Variants in ATRNL1 observed in about 807,000 individuals in gnomAD.
The protein encoded by ATRNL1 is attractin-like protein 1.
A neutral mutation model predicts 182.7 loss-of-function variants in ATRNL1; 95 were observed. The ratio of observed to expected loss-of-function variants is 0.52; its 90% CI spans 0.44 to 0.62. The LOEUF (loss-of-function observed/expected upper bound fraction) is 0.62, where lower values mean the gene tolerates loss of function less well. Among genes scored for constraint, ATRNL1 ranks in the 20% least tolerant of loss-of-function variants. The pLI, the probability that ATRNL1 is intolerant of heterozygous loss-of-function variation, is 0.00. For synonymous variants in ATRNL1, 576 were observed against 568.3 expected (o/e 1.01, Z -0.19); for missense variants, 1,471 against 1,679.5 (o/e 0.88, Z 2.17).
intron 28 of ATRNL1, among the ~76,000 whole-genome samples, chr10:115,884,673 T>G (rs1555109367): frequency 6.6e-6 from 1 of 152,176 alleles, no homozygotes; most frequent in Non-Finnish European, 1.5e-5. Context: ...GCAAAAAAAC[T>G]GCCGAAGAGA....
intron 20 of ATRNL1, among the ~76,000 whole-genome samples, chr10:115,411,741 T>G (rs1445181961): frequency 6.6e-6 from 1 of 152,192 alleles, no homozygotes; most frequent in Non-Finnish European, 1.5e-5. Flanking sequence ...TATTTAAATG[T>G]TTTACATTTT....
chr10:115,854,586 G>A (rs1951136123), intron 28 of ATRNL1, among the ~76,000 whole-genome samples: 1 of 152,186 alleles, frequency 6.6e-6, no homozygotes, highest in Admixed American at 6.5e-5. Context: ...CTGAGCAGCA[G>A]CATCTCAACC....
intron 6 of ATRNL1, among the ~76,000 whole-genome samples, chr10:115,160,819 T>A (rs1564787075): frequency 6.6e-6 from 1 of 151,846 alleles, no homozygotes; most frequent in South Asian, 2.1e-4. Flanking sequence ...ATAGGGAGAA[T>A]CATTTGATTT....
At chr10:115,205,576 A>G (rs1380558632) in intron 8 of ATRNL1, among the ~76,000 whole-genome samples, 2 of 151,686 alleles carry the variant, frequency 1.3e-5, no homozygotes, top group Admixed American at 1.3e-4. Context: ...GATTATTTGA[A>G]CATTTTTTAG....
intron 21 of ATRNL1, among the ~76,000 whole-genome samples, chr10:115,437,205 G>A (rs1050958102): frequency 1.3e-5 from 2 of 151,980 alleles, no homozygotes; most frequent in African/African-American, 2.4e-5. Context: ...AACCAATACT[G>A]AAACACATAG....
chr10:115,439,219 G>T (rs1164906174), intron 21 of ATRNL1, among the ~76,000 whole-genome samples: 1 of 151,790 alleles, frequency 6.6e-6, no homozygotes, highest in Non-Finnish European at 1.5e-5. Context: ...AGGAGGGGTT[G>T]GTCTTCCTGT....
chr10:115,892,995 A>G (rs556978200), intron 28 of ATRNL1, among the ~76,000 whole-genome samples: 32 of 152,352 alleles, frequency 2.1e-4, no homozygotes, highest in Non-Finnish European at 3.8e-4. Flanking sequence ...ATAAACATAT[A>G]TGTCATGGAA....
chr10:115,937,417 C>T (rs914651945), intron 28 of ATRNL1, among the ~76,000 whole-genome samples: 6 of 152,112 alleles, frequency 3.9e-5, no homozygotes, highest in African/African-American at 1.4e-4. Flanking sequence ...CCAGTGTCTT[C>T]GGCACTTGAA....
intron 1 of ATRNL1, 42 bp downstream of exon 1, chr10:115,094,085 G>T (rs536838728): frequency 3.7e-6 from 5 of 1,338,786 alleles, no homozygotes; most frequent in Non-Finnish European, 3.9e-6. Context: ...GCCCTGCCTC[G>T]CTCCCGTCGC....
chr10:115,681,134 G>A (rs1555044618), intron 26 of ATRNL1, among the ~76,000 whole-genome samples: 2 of 152,072 alleles, frequency 1.3e-5, no homozygotes, highest in African/African-American at 4.8e-5. Flanking sequence ...AATGGATTAT[G>A]ATGAATACAT....
In ATRNL1 at chr10:115,631,218, A is replaced by G. The variant is rs367668501; in HGVS notation, c.3795+81682A>G. Among the ~76,000 whole-genome samples, 41 of 152,202 alleles carry G rather than the reference A, an allele frequency of 2.7e-4. 1 individual carries two copies. The South Asian group carries it at 8.3e-3, about 31-fold the overall frequency. On this transcript the variant is annotated intron_variant, in intron 26 of 28. Coordinates refer to ENST00000355044, the MANE Select transcript of ATRNL1 (RefSeq NM_207303.4). ...CTTACTAAGGTGAGGCTAGATCCTA[A>G]ATATTCCCACCACATCAAAAATTAG...
At chr10:115,631,910 T>C (rs894879553) in intron 26 of ATRNL1, among the ~76,000 whole-genome samples, 1 of 152,066 alleles carries the variant, frequency 6.6e-6, no homozygotes, top group African/African-American at 2.4e-5. Context: ...CCAACCCATA[T>C]TTAAGGGGAA....
At chr10:115,337,426 A>G (rs549392895) in intron 19 of ATRNL1, among the ~76,000 whole-genome samples, 94 of 152,108 alleles carry the variant, frequency 6.2e-4, no homozygotes, top group Non-Finnish European at 6.8e-4. Flanking sequence ...GCTATCGAAT[A>G]GTAGGTCTTC....
chr10:115,430,814 G>A (rs781828848), intron 21 of ATRNL1, among the ~76,000 whole-genome samples: 2 of 152,138 alleles, frequency 1.3e-5, no homozygotes, highest in African/African-American at 4.8e-5. Flanking sequence ...GGAGTGGGAC[G>A]TGGGTGCCGT....
intron 28 of ATRNL1, among the ~76,000 whole-genome samples, chr10:115,870,230 C>A (rs1951549499): frequency 6.6e-6 from 1 of 152,138 alleles, no homozygotes. Context: ...TACTCTCTCC[C>A]TAAGGAAAAT....
intron 8 of ATRNL1, among the ~76,000 whole-genome samples, chr10:115,211,921 G>A (rs1176060930): frequency 6.6e-6 from 1 of 151,718 alleles, no homozygotes; most frequent in African/African-American, 2.4e-5. Context: ...TGGATCATTT[G>A]TTATTGTCCT....
intron 27 of ATRNL1, among the ~76,000 whole-genome samples, chr10:115,781,960 C>T (rs534954097): frequency 6.6e-6 from 1 of 152,028 alleles, no homozygotes; most frequent in Non-Finnish European, 1.5e-5. Flanking sequence ...CCTTTTTGCC[C>T]TGAATGATAA....
chr10:115,233,060 T>G (rs1307247186), intron 9 of ATRNL1, among the ~76,000 whole-genome samples: 5 of 152,044 alleles, frequency 3.3e-5, no homozygotes, highest in Non-Finnish European at 7.4e-5. Context: ...GGGCATACTT[T>G]GATTGTAGCT....
chr10:115,557,718 G>A (rs1853394142), intron 26 of ATRNL1, among the ~76,000 whole-genome samples: 1 of 152,048 alleles, frequency 6.6e-6, no homozygotes, highest in Non-Finnish European at 1.5e-5. Flanking sequence ...CTATTCTCCA[G>A]ACAAACAACG....
Sources: allele counts gnomAD v4.1 joint callset (sites outside exome capture counted in the v4.1 genomes callset), GRCh38; gene constraint gnomAD v4.1.1; transcripts MANE v1.5; gene names NCBI Gene and HGNC (gene_info 2026-07-23, HGNC 2026-07-21).